RBM34: variants seen among roughly 807,000 people sequenced by gnomAD.
RBM34 encodes RNA-binding protein 34.
Under a neutral mutation model 44.6 loss-of-function variants are expected in RBM34, and 39 were observed. The ratio of observed to expected loss-of-function variants is 0.87; its 90% CI spans 0.68 to 1.14. The LOEUF (loss-of-function observed/expected upper bound fraction) is 1.14, where lower values mean the gene tolerates loss of function less well. RBM34 is among the 50% of genes most tolerant of loss of function. RBM34 has a pLI of 0.00. For missense variants in RBM34, 572 were observed against 517.9 expected (o/e 1.10, Z -1.01); for synonymous variants, 194 against 184.0 (o/e 1.05, Z -0.44).
intron 4 of RBM34, among the ~76,000 whole-genome samples, chr1:235,153,581 C>T (rs370381539): frequency 1.3e-5 from 2 of 152,146 alleles, no homozygotes; most frequent in East Asian, 1.9e-4. Flanking sequence ...TGTGTCACCA[C>T]ACCCAGCTAA....
At chr1:235,145,966 GTTTTT>G (rs34111332) in intron 6 of RBM34, among the ~76,000 whole-genome samples, 20 of 77,204 alleles carry the variant, frequency 2.6e-4, no homozygotes, top group South Asian at 1.4e-3. Context: ...ATTACAGCAG[GTTTTT>G]TTTTTTTTTT....
chr1:235,153,926 T>A (rs1043413922), intron 4 of RBM34, among the ~76,000 whole-genome samples: 1 of 152,154 alleles, frequency 6.6e-6, no homozygotes, highest in African/African-American at 2.4e-5. Flanking sequence ...ATATTTACTA[T>A]GCACAAGGCA....
intron 5 of RBM34, among the ~76,000 whole-genome samples, chr1:235,150,641 G>A (rs1222812221): frequency 6.6e-6 from 1 of 152,164 alleles, no homozygotes; most frequent in Non-Finnish European, 1.5e-5. Context: ...CCACACTGGA[G>A]AACTGCCAAG....
chr1:235,148,662 G>A (rs538303563), intron 5 of RBM34, among the ~76,000 whole-genome samples: 8 of 151,392 alleles, frequency 5.3e-5, no homozygotes, highest in East Asian at 3.9e-4. Flanking sequence ...GCAGTGGCAT[G>A]ATGTCGGCTC....
chr1:235,141,557 C>T (rs1661682818), intron 6 of RBM34, among the ~76,000 whole-genome samples: 1 of 152,202 alleles, frequency 6.6e-6, no homozygotes, highest in Admixed American at 6.5e-5. Context: ...CTGCCCTAGC[C>T]AGCAGTGGCA....
intron 5 of RBM34, among the ~76,000 whole-genome samples, chr1:235,149,262 G>A (rs372405056): frequency 1.3e-4 from 20 of 151,724 alleles, no homozygotes; most frequent in African/African-American, 3.6e-4. Context: ...GGTGGCGGGC[G>A]CCTGTAGTCC....
At chr1:235,137,845 C>T (rs1661491068) in intron 8 of RBM34, 32 bp downstream of exon 8, 1 of 1,507,182 alleles carries the variant, frequency 6.6e-7, no homozygotes, top group African/African-American at 1.4e-5. Context: ...CTACAAAGCT[C>T]TCGTTCTTTA....
chr1:235,155,829 A>ATATATATATATATG (rs1662392713), intron 3 of RBM34, among the ~76,000 whole-genome samples: 1 of 16,118 alleles, frequency 6.2e-5, no homozygotes, highest in Non-Finnish European at 1.0e-4. Context: ...ATACATATAT[A>ATATATATATATATG]TATATATATA....
rs1419007173 is a variant in RBM34, at chr1:235,160,549, C to T, written c.327G>A (p.Lys109=). 6.2e-7 allele frequency: 1 copy of T among 1,613,924 alleles called. No homozygotes were observed. Among genetic ancestry groups the T allele is most frequent in the Non-Finnish European group, 8.5e-7 (1 of 1,179,968 alleles). Residue 109 remains lysine, a synonymous_variant, in exon 3 of 11, where the codon AAG becomes AAA. Transcript: ENST00000408888. ...SQEPAKKVKA[K]KKHTNAEKKL... ...TTTTTTCTGCGTTAGTGTGTTTCTT[C>T]TTCGCTTTCACTTTTTTGGCAGGTT...
rs1661206052 is a variant in RBM34, at chr1:235,131,748, TTTTCTTCTGTCC to T, written c.1246_1257del (p.Gly416_Lys419del). ...TTTCTCTGTTTCTTAGGGCGTCCAC[TTTTCTTCTGTCC>T]TTTCTTCTTCGTTTTAAGGAGAACA... On this transcript the variant is annotated inframe_deletion, in exon 11 of 11. Transcript: ENST00000408888. The T allele has an allele frequency of 6.2e-7, 1 of 1,604,468 alleles. No homozygotes were observed. The highest frequency in any genetic ancestry group is 8.5e-7 in the Non-Finnish European group (1 of 1,177,082).
intron 3 of RBM34, among the ~76,000 whole-genome samples, chr1:235,158,963 T>TA (rs143616969): frequency 0.05 from 6,326 of 125,450 alleles, 468 homozygotes; most frequent in African/African-American, 0.17. Flanking sequence ...ATTTTTTTAC[T>TA]AAAAAAAAAA....
At chr1:235,136,993 T>C (rs567479873) in intron 8 of RBM34, among the ~76,000 whole-genome samples, 2 of 152,206 alleles carry the variant, frequency 1.3e-5, no homozygotes, top group East Asian at 1.9e-4. Flanking sequence ...TCTTTCTTTT[T>C]TCCCCCCGCT....
chr1:235,152,867 A>T, intron 4 of RBM34, 102 bp from the exon 5 acceptor site: 2 of 882,096 alleles, frequency 2.3e-6, no homozygotes, highest in East Asian at 6.1e-5. Flanking sequence ...CTCTACTGCC[A>T]GGCTTTTTTT....
rs754012030 is a variant in RBM34 at position 235,154,909 on chromosome 1, C to A, written c.569G>T (p.Gly190Val). 4.4e-5 allele frequency: 71 copies of A among 1,613,648 alleles called. No homozygotes were observed. Among genetic ancestry groups the A allele is most frequent in the Non-Finnish European group, 5.7e-5 (67 of 1,179,904 alleles). Residue 190 changes from glycine (G) to valine (V), a missense_variant, in exon 4 of 11, where the codon GGG becomes GTG. Gly to Val is a moderately radical substitution (Grantham distance 109). Coordinates refer to ENST00000408888, the MANE Select transcript of RBM34 (RefSeq NM_015014.4). ...RLKNERTVFV[G>V]NLPVTCNKKK... ...CTTATTACATGTAACAGGCAAATTC[C>A]CAACAAACACAGTTCTCTCATTCTT...
intron 6 of RBM34, among the ~76,000 whole-genome samples, chr1:235,147,938 G>A (rs1440331054): frequency 6.6e-6 from 1 of 151,804 alleles, no homozygotes; most frequent in African/African-American, 2.4e-5. Context: ...CACTGAGTGG[G>A]AAACAAAAAA....
rs114470566 is a variant in RBM34, at chr1:235,146,446, G to T, written c.701+1958C>A. Among the ~76,000 whole-genome samples the T allele has an allele frequency of 5.1e-3, 781 of 152,208 alleles. 7 individuals are homozygous for T. Among genetic ancestry groups the T allele is most frequent in the African/African-American group, 0.018 (749 of 41,528 alleles). ...ACTAAGCAGAAAAAGGGAAGGTGTG[G>T]AGTAGTGCATATATTAAATACCAGT... is the stretch of plus-strand genomic sequence containing the variant. On this transcript the variant is annotated intron_variant, in intron 6 of 10. Transcript: ENST00000408888.
At position 235,160,971 on chromosome 1, in the gene RBM34, T is replaced by A; in HGVS notation, c.150A>T (p.Arg50Ser). The A allele has an allele frequency of 1.2e-6, 2 of 1,614,128 alleles. No individual in the cohort carries two copies. Among genetic ancestry groups the A allele is most frequent in the Non-Finnish European group, 1.7e-6 (2 of 1,180,020 alleles). Residue 50 changes from arginine (R) to serine (S), a missense_variant, in exon 2 of 11, where the codon AGA becomes AGT. Physicochemically the swap from Arg to Ser is moderately radical, Grantham distance 110. Transcript: ENST00000408888. ...SSLFRGEHHSRGGTGRLASLF... is the reference protein window; with the variant it reads ...SSLFRGEHHSSGGTGRLASLF... ...GGGACGCCAGCCGACCGGTGCCACC[T>A]CTGGAATGGTGTTCGCCGCGAAATA... is the stretch of plus-strand genomic sequence containing the variant.
At chr1:235,155,274 G>A (rs1236747592) in intron 3 of RBM34, among the ~76,000 whole-genome samples, 162 bp from the exon 4 acceptor site, 2 of 151,848 alleles carry the variant, frequency 1.3e-5, no homozygotes, top group Non-Finnish European at 2.9e-5. Flanking sequence ...TTAGAGCAGC[G>A]CTATCTAGAA....
At chr1:235,134,283 T>C (rs1394824060) in intron 10 of RBM34, among the ~76,000 whole-genome samples, 1 of 152,058 alleles carries the variant, frequency 6.6e-6, no homozygotes, top group African/African-American at 2.4e-5. Context: ...CTTGGCCTCC[T>C]AAAGTGGTGG....
Sources: allele counts gnomAD v4.1 joint callset (sites outside exome capture counted in the v4.1 genomes callset), GRCh38; gene constraint gnomAD v4.1.1; transcripts MANE v1.5; gene names NCBI Gene and HGNC (gene_info 2026-07-23, HGNC 2026-07-21).